DPP6: variants seen among roughly 807,000 people sequenced by gnomAD.
DPP6 encodes A-type potassium channel modulatory protein DPP6.
A neutral mutation model predicts 122.6 loss-of-function variants in DPP6; 69 were observed. The ratio of observed to expected loss-of-function variants is 0.56; its 90% CI spans 0.46 to 0.69. The LOEUF (loss-of-function observed/expected upper bound fraction) is 0.69. Ranked by LOEUF, DPP6 falls within the 30% of genes least tolerant of loss-of-function variation. The pLI is 0.00. For synonymous variants in DPP6, 418 were observed against 433.1 expected, an observed-to-expected ratio of 0.97 and a Z score of 0.43; for missense variants, 928 against 1,116.9, an observed-to-expected ratio of 0.83 and a Z score of 2.41.
Position 154,795,623 on chromosome 7 carries a change from A to G in DPP6, c.1261-222A>G, listed in dbSNP as rs187557834. On this transcript the variant is annotated intron_variant, in intron 11 of 25. Transcript: ENST00000377770. The stretch of plus-strand genomic sequence containing the variant: ...AGGGATAGTGGCATTTTCTAATTCG[A>G]GGACGCTTGTGTTTGGCTCCGAGCC... Among the ~76,000 whole-genome samples the G allele has an allele frequency of 1.6e-3, 242 of 152,084 alleles. 1 individual carries two copies. Among genetic ancestry groups the G allele is most frequent in the African/African-American group, 5.1e-3 (212 of 41,494 alleles).
intron 1 of DPP6, among the ~76,000 whole-genome samples, chr7:153,989,529 A>G (rs1797045555): frequency 6.6e-6 from 1 of 151,852 alleles, no homozygotes. Context: ...TTGCCAAGGT[A>G]TGCCAGAAGC....
chr7:153,917,077 G>T (rs1327564331), intron 1 of DPP6, among the ~76,000 whole-genome samples: 1 of 152,208 alleles, frequency 6.6e-6, no homozygotes, highest in Non-Finnish European at 1.5e-5. Context: ...GTGGGTCTGG[G>T]GTGGGACCTG....
intron 1 of DPP6, among the ~76,000 whole-genome samples, chr7:154,130,519 C>A (rs546128906): frequency 1.2e-4 from 18 of 152,326 alleles, no homozygotes; most frequent in Non-Finnish European, 2.4e-4. Flanking sequence ...TTCCTCAATT[C>A]TCTTTTAAAG....
At chr7:154,495,550 C>T (rs1000238564) in intron 3 of DPP6, among the ~76,000 whole-genome samples, 10 of 152,000 alleles carry the variant, frequency 6.6e-5, no homozygotes, top group South Asian at 2.1e-4. Flanking sequence ...CCACCATGCC[C>T]GGCTAATTTT....
At chr7:154,734,350 G>T (rs369015990) in intron 8 of DPP6, among the ~76,000 whole-genome samples, 58 of 152,314 alleles carry the variant, frequency 3.8e-4, no homozygotes, top group African/African-American at 1.3e-3. Flanking sequence ...GCCCCCTGGA[G>T]TGTAGATTCT....
intron 3 of DPP6, among the ~76,000 whole-genome samples, chr7:154,531,890 A>G (rs2130125574): frequency 6.6e-6 from 1 of 152,206 alleles, no homozygotes; most frequent in East Asian, 1.9e-4. Flanking sequence ...AGACAACCAC[A>G]AAAAAAGCTA....
intron 6 of DPP6, among the ~76,000 whole-genome samples, chr7:154,644,483 C>T (rs1347985093): frequency 1.3e-5 from 2 of 152,134 alleles, no homozygotes; most frequent in Non-Finnish European, 2.9e-5. Flanking sequence ...AGGAGGGCAG[C>T]GATGAGAATT....
rs192964945 is a variant in DPP6, at chr7:154,621,494, A to G, written c.628-16327A>G. On this transcript the variant is annotated intron_variant, in intron 5 of 25. Coordinates refer to ENST00000377770, the MANE Select transcript of DPP6 (RefSeq NM_130797.4). ...AGCGATTCTCCTGCCTCAGCCTCCCAAGTAGCTGGGATTACAGGCTCATGC... is the reference window on the plus strand; with the variant it reads ...AGCGATTCTCCTGCCTCAGCCTCCCGAGTAGCTGGGATTACAGGCTCATGC... Among the ~76,000 whole-genome samples, 907 of 152,098 alleles carry G rather than the reference A, an allele frequency of 6.0e-3. 2 individuals carry two copies. The highest frequency in any genetic ancestry group is 9.4e-3 in the Non-Finnish European group (639 of 67,964).
Position 154,053,028 on chromosome 7 carries a change from C to A in DPP6, c.208C>A (p.Gln70Lys), listed in dbSNP as rs1800492218. 2 of 1,060,332 alleles carry A rather than the reference C, an allele frequency of 1.9e-6. No individual in the cohort carries two copies. Among genetic ancestry groups the A allele is most frequent in the Admixed American group, 5.5e-5 (1 of 18,058 alleles). 65.7% of individuals were successfully genotyped at this position (1,060,332 alleles called of 1,614,324 possible). Residue 70 changes from glutamine to lysine, a missense_variant, in exon 1 of 26, where the codon CAG (glutamine) becomes AAG (lysine). Transcript: ENST00000377770. Reference protein sequence around the residue: ...GGGAGGRPRFQYQARSDGDEE... With the variant: ...GGGAGGRPRFKYQARSDGDEE... ...CGGCGCGGGTGGCCGGCCCCGGTTC[C>A]AGTACCAGGCGCGGAGCGATGGTGA...
chr7:154,359,152 A>AGG (rs899083459), intron 1 of DPP6, among the ~76,000 whole-genome samples: 3 of 152,226 alleles, frequency 2.0e-5, no homozygotes, highest in Admixed American at 6.5e-5. Context: ...GCCAGTGCCA[A>AGG]GGGTGGCAGA....
At chr7:153,998,985 G>A (rs1442269875) in intron 1 of DPP6, among the ~76,000 whole-genome samples, 1 of 152,238 alleles carries the variant, frequency 6.6e-6, no homozygotes, top group Non-Finnish European at 1.5e-5. Context: ...AAGAGCTTCT[G>A]TGAGACTCTC....
chr7:153,934,444 A>C (rs925751951), intron 1 of DPP6, among the ~76,000 whole-genome samples: 3 of 152,196 alleles, frequency 2.0e-5, no homozygotes, highest in African/African-American at 7.2e-5. Flanking sequence ...TTGAGGTTCT[A>C]AGGCCAGCAT....
chr7:154,750,282 A>G (rs1843311753), intron 8 of DPP6, among the ~76,000 whole-genome samples: 1 of 152,180 alleles, frequency 6.6e-6, no homozygotes, highest in South Asian at 2.1e-4. Context: ...CGGGAGTCGC[A>G]GCCTATTGAA....
chr7:153,908,665 A>G (rs552025329), intron 1 of DPP6, among the ~76,000 whole-genome samples: 1 of 152,336 alleles, frequency 6.6e-6, no homozygotes, highest in South Asian at 2.1e-4. Flanking sequence ...TCATTATACG[A>G]TTCCTTATGA....
intron 8 of DPP6, among the ~76,000 whole-genome samples, chr7:154,737,029 G>A (rs980420228): frequency 1.3e-5 from 2 of 152,200 alleles, no homozygotes; most frequent in South Asian, 2.1e-4. Context: ...GTGACGTTGG[G>A]AAGGACATGG....
intron 1 of DPP6, among the ~76,000 whole-genome samples, chr7:154,213,160 C>T (rs956915858): frequency 3.9e-5 from 6 of 152,074 alleles, no homozygotes; most frequent in Non-Finnish European, 8.8e-5. Context: ...CACCTGGGAG[C>T]ATGATTCCAA....
chr7:154,652,387 A>G (rs573717908), intron 6 of DPP6, among the ~76,000 whole-genome samples: 4 of 135,240 alleles, frequency 3.0e-5, no homozygotes, highest in African/African-American at 5.6e-5. Context: ...AGTCTAATTC[A>G]TTATCACTAA....
intron 1 of DPP6, among the ~76,000 whole-genome samples, chr7:154,080,780 C>T (rs1043760892): frequency 5.3e-5 from 8 of 152,068 alleles, no homozygotes; most frequent in Non-Finnish European, 7.4e-5. Context: ...TATCCATGCC[C>T]GTCTTGATGG....
At chr7:154,654,128 T>C (rs942124070) in intron 6 of DPP6, among the ~76,000 whole-genome samples, 6 of 152,178 alleles carry the variant, frequency 3.9e-5, no homozygotes, top group African/African-American at 1.2e-4. Context: ...GCTTAAAGGA[T>C]ACGGGAGGAT....
Sources: gnomAD v4.1 joint callset for allele counts (sites outside exome capture counted in the v4.1 genomes callset) on GRCh38, gnomAD v4.1.1 for gene constraint, MANE v1.5 for transcripts, NCBI Gene and HGNC (gene_info 2026-07-23, HGNC 2026-07-21) for gene names.